The following ITPR2 variants were observed in gnomAD, a reference collection of about 807,000 sequenced individuals.
The protein encoded by ITPR2 is inositol 1,4,5-trisphosphate receptor type 2.
A neutral mutation model predicts 317.1 loss-of-function variants in ITPR2; 207 were observed. The ratio of observed to expected loss-of-function variants is 0.65; its 90% confidence interval spans 0.58 to 0.73. The LOEUF is 0.73. Ranked by LOEUF, ITPR2 falls within the 30% of genes least tolerant of loss-of-function variation. The probability of loss-of-function intolerance (pLI) is 0.00; values close to 1 mark genes in which losing one functional copy is unlikely to be tolerated. For synonymous variants in ITPR2, 1,156 were observed against 1,149.1 expected, an observed-to-expected ratio of 1.01 and a Z score of -0.12; for missense variants, 2,613 against 3,284.0, an observed-to-expected ratio of 0.80 and a Z score of 4.99.
chr12:26,750,676 C>T (rs1592094986), intron 2 of ITPR2, among the ~76,000 whole-genome samples: 1 of 152,174 alleles, frequency 6.6e-6, no homozygotes, highest in African/African-American at 2.4e-5. Flanking sequence ...AACAGATCCC[C>T]TCTCTGTACA....
At chr12:26,532,195 C>T (rs1185236592) in intron 37 of ITPR2, among the ~76,000 whole-genome samples, 1 of 152,100 alleles carries the variant, frequency 6.6e-6, no homozygotes, top group Non-Finnish European at 1.5e-5. Flanking sequence ...GAGCTAAAAG[C>T]AGTGTTCTTG....
rs777469126 is a variant in ITPR2 at position 26,600,114 on chromosome 12, A to C, written c.3679-5T>G. Reference sequence around the variant, plus strand: ...TTCATTCATCTTTTCATCATTCTGTAAGTTAAAGAATAGCACATGATAGAA... The same window carrying C: ...TTCATTCATCTTTTCATCATTCTGTCAGTTAAAGAATAGCACATGATAGAA... On this transcript the variant is annotated splice_region_variant and splice_polypyrimidine_tract_variant and intron_variant, in intron 28 of 56. Coordinates refer to ENST00000381340, the MANE Select transcript of ITPR2 (RefSeq NM_002223.4). The C allele has an allele frequency of 5.6e-6, 9 of 1,606,186 alleles. No individual in the cohort carries two copies. In the South Asian group the frequency reaches 1.0e-4, roughly 18 times the overall value.
chr12:26,658,088 A>C lies in ITPR2; in HGVS notation c.1929T>G (p.Thr643=), dbSNP rs377186981. The change falls in exon 17 of 57, where the codon ACT becomes ACG. Residue 643 remains threonine (T), a synonymous_variant. Transcript: ENST00000381340. The part of the protein sequence containing the change: ...YLSDLCVSNT[T]AIPVTQELIC... ...TGAGTTCTTGAGTTACAGGGATAGC[A>C]GTGGTATTAGACACACACAGATCTG... is the stretch of plus-strand genomic sequence containing the variant. The C allele has an allele frequency of 1.2e-6, 2 of 1,612,296 alleles. No individual in the cohort carries two copies. The highest frequency in any genetic ancestry group is 2.2e-5 in the South Asian group (2 of 90,608).
rs769149994 is a variant in ITPR2, at chr12:26,656,447, A to C, written c.2294T>G (p.Val765Gly). ...GTCGAACGGCAGGCTCTCATCCGACACACACCGCAGGATCAGGTCTACAGA... is the reference window on the plus strand; with the variant it reads ...GTCGAACGGCAGGCTCTCATCCGACCCACACCGCAGGATCAGGTCTACAGA... ...QLSVDLILRC[V>G]SDESLPFDLR... Residue 765 changes from valine to glycine, a missense_variant, in exon 19 of 57, where the codon GTG becomes GGG. Coordinates refer to ENST00000381340, the MANE Select transcript of ITPR2 (RefSeq NM_002223.4). 1 of 1,614,236 alleles carries C rather than the reference A, an allele frequency of 6.2e-7. No individual in the cohort carries two copies. The highest frequency in any genetic ancestry group is 8.5e-7 in the Non-Finnish European group (1 of 1,180,034).
chr12:26,518,648 C>A (rs965881938), intron 37 of ITPR2, among the ~76,000 whole-genome samples: 27 of 151,916 alleles, frequency 1.8e-4, no homozygotes, highest in African/African-American at 6.5e-4. Flanking sequence ...TAAAAAATAG[C>A]AAAATTTTAA....
intron 5 of ITPR2, chr12:26,721,142 A>T (rs1948831461): frequency 2.5e-6 from 1 of 406,410 alleles, no homozygotes; most frequent in African/African-American, 2.1e-5. Context: ...CTATTTAATG[A>T]AACTAAAATG....
At chr12:26,675,895 C>T (rs953706742) in intron 13 of ITPR2, among the ~76,000 whole-genome samples, 1 of 152,182 alleles carries the variant, frequency 6.6e-6, no homozygotes, top group African/African-American at 2.4e-5. Flanking sequence ...CAGTGGCTCA[C>T]GCCTGTAATC....
At position 26,655,740 on chromosome 12, in the gene ITPR2, C is replaced by CAAAAGG. The variant is rs1947357040; in HGVS notation, c.2551_2556dup (p.Pro851_Phe852dup). The CAAAAGG allele has an allele frequency of 6.2e-7, 1 of 1,613,076 alleles. No homozygotes were observed. The highest frequency in any genetic ancestry group is 8.5e-7 in the Non-Finnish European group (1 of 1,179,620). On this transcript the variant is annotated inframe_insertion, in exon 20 of 57. Coordinates refer to ENST00000381340, the MANE Select transcript of ITPR2 (RefSeq NM_002223.4). Reference sequence around the variant, plus strand: ...GTCAGTTTATTTTTTTCTTTATCCCCAAAAGGAAAGGGCTGGTTTACAACT... The same window carrying CAAAAGG: ...GTCAGTTTATTTTTTTCTTTATCCCCAAAAGGAAAAGGAAAGGGCTGGTTTACAACT...
At chr12:26,546,688 T>C (rs920571548) in intron 37 of ITPR2, among the ~76,000 whole-genome samples, 1 of 152,152 alleles carries the variant, frequency 6.6e-6, no homozygotes, top group Admixed American at 6.6e-5. Flanking sequence ...AGCAGCACGG[T>C]ATTGGTATAA....
Position 26,340,328 on chromosome 12 carries a change from C to A in ITPR2, c.7858G>T (p.Glu2620Ter). 1 of 1,594,756 alleles carries A rather than the reference C, an allele frequency of 6.3e-7. No individual in the cohort carries two copies. The highest frequency in any genetic ancestry group is 1.7e-5 in the Admixed American group (1 of 57,644). Residue 2620 changes from glutamate (E) to a stop codon, truncating the protein, a stop_gained and splice_region_variant, in exon 56 of 57, where the codon GAG becomes TAG. Transcript: ENST00000381340. LOFTEE classifies it high-confidence loss of function. ...PESYVAQMIV[E>*]KNLDWFPRMR... ...CGAGGAAACCAATCCAAATTCTTCT[C>A]CTGAAAGCAAATAAATGTGTGCGAA... is the stretch of plus-strand genomic sequence containing the variant.
intron 34 of ITPR2, among the ~76,000 whole-genome samples, chr12:26,567,417 T>G (rs1279537755): frequency 2.6e-5 from 4 of 152,196 alleles, no homozygotes; most frequent in African/African-American, 9.6e-5. Context: ...AAGGTTTTTT[T>G]GTTTCCCTCA....
At chr12:26,779,432 GGAA>G (rs1455711351) in intron 2 of ITPR2, among the ~76,000 whole-genome samples, 1 of 152,214 alleles carries the variant, frequency 6.6e-6, no homozygotes, top group Non-Finnish European at 1.5e-5. Context: ...ATCATCGAAT[GGAA>G]GTAGTATAAA....
chr12:26,455,035 G>C (rs1278609235), intron 45 of ITPR2, among the ~76,000 whole-genome samples: 1 of 151,986 alleles, frequency 6.6e-6, no homozygotes, highest in East Asian at 1.9e-4. Context: ...TCATAGTCTT[G>C]ACAAAGCCAC....
rs953485602 is a variant in ITPR2 at position 26,617,418 on chromosome 12, A to C, written c.3462+3705T>G. Among the ~76,000 whole-genome samples the C allele has an allele frequency of 2.0e-5, 3 of 152,312 alleles. No individual in the cohort carries two copies. The South Asian group carries it at 6.2e-4, about 32-fold the overall frequency. On this transcript the variant is annotated intron_variant, in intron 26 of 56. Transcript: ENST00000381340. ...ATAACCATTAAAAAATTGAATCAGT[A>C]GTCAAAGTCTTTCCCCAATGTAAAT... is the stretch of plus-strand genomic sequence containing the variant.
chr12:26,707,809 T>C (rs989255143), intron 9 of ITPR2, among the ~76,000 whole-genome samples: 1 of 152,048 alleles, frequency 6.6e-6, no homozygotes, highest in African/African-American at 2.4e-5. Flanking sequence ...GGAATACAGA[T>C]GTGAGCCACC....
At chr12:26,752,499 G>C (rs1389205925) in intron 2 of ITPR2, among the ~76,000 whole-genome samples, 1 of 152,160 alleles carries the variant, frequency 6.6e-6, no homozygotes, top group Non-Finnish European at 1.5e-5. Context: ...ACTTCCACCA[G>C]TGCCATGGTA....
chr12:26,359,857 C>T (rs1938767913), intron 55 of ITPR2, among the ~76,000 whole-genome samples: 1 of 152,152 alleles, frequency 6.6e-6, no homozygotes, highest in Non-Finnish European at 1.5e-5. Flanking sequence ...TTGGGAGTTT[C>T]CATCCACTCT....
At chr12:26,763,171 T>C (rs1000240887) in intron 2 of ITPR2, among the ~76,000 whole-genome samples, 3 of 152,142 alleles carry the variant, frequency 2.0e-5, no homozygotes, top group African/African-American at 7.2e-5. Context: ...TTCTGGGGCA[T>C]ATATGCTTCA....
intron 1 of ITPR2, among the ~76,000 whole-genome samples, chr12:26,828,373 C>CATGTA (rs1951040756): frequency 6.6e-6 from 1 of 152,150 alleles, no homozygotes; most frequent in Admixed American, 6.6e-5. Flanking sequence ...GAGTGCTACC[C>CATGTA]CTACATGTAC....
Sources: gnomAD v4.1 joint callset for allele counts (sites outside exome capture counted in the v4.1 genomes callset) on GRCh38, gnomAD v4.1.1 for gene constraint, MANE v1.5 for transcripts, NCBI Gene and HGNC (gene_info 2026-07-23, HGNC 2026-07-21) for gene names.